Variants in CCDC170 observed in about 807,000 individuals in gnomAD.
CCDC170 encodes the protein coiled-coil domain containing 170.
Under a neutral mutation model 72.6 loss-of-function variants are expected in CCDC170, and 69 were observed. The observed-to-expected ratio is 0.95, with a 90% CI of 0.78 to 1.16. The LOEUF (loss-of-function observed/expected upper bound fraction) is 1.16. Among genes scored for constraint, CCDC170 ranks in the 50% most tolerant of loss-of-function variants. The pLI is 0.00. For synonymous variants in CCDC170, 300 were observed against 303.9 expected (o/e 0.99, Z 0.13); for missense variants, 852 against 832.5 (o/e 1.02, Z -0.29).
At chr6:151,607,054 T>C (rs888641919) in intron 9 of CCDC170, among the ~76,000 whole-genome samples, 1 of 152,156 alleles carries the variant, frequency 6.6e-6, no homozygotes, top group Non-Finnish European at 1.5e-5. Context: ...AAAAAATCCA[T>C]TTAGCCACTA....
chr6:151,577,830 A>C (rs963126902), intron 6 of CCDC170, among the ~76,000 whole-genome samples: 1 of 152,244 alleles, frequency 6.6e-6, no homozygotes. Flanking sequence ...CGAACTGTGC[A>C]TGCGAGGGAT....
At chr6:151,614,062 A>G (rs984695114) in intron 9 of CCDC170, among the ~76,000 whole-genome samples, 4 of 152,178 alleles carry the variant, frequency 2.6e-5, no homozygotes, top group African/African-American at 9.7e-5. Flanking sequence ...AGTGAAAACA[A>G]TTTGTGTCTG....
At chr6:151,608,051 TC>T (rs1264785177) in intron 9 of CCDC170, among the ~76,000 whole-genome samples, 1 of 152,188 alleles carries the variant, frequency 6.6e-6, no homozygotes, top group East Asian at 1.9e-4. Context: ...CTGGGTTATT[TC>T]AAGAGACCTG....
chr6:151,498,096 G>A (rs1425031716), intron 1 of CCDC170, among the ~76,000 whole-genome samples: 1 of 152,168 alleles, frequency 6.6e-6, no homozygotes, highest in African/African-American at 2.4e-5. Context: ...GACATATGGT[G>A]GCTTGTAGGC....
At chr6:151,536,685 G>A (rs555579253) in intron 2 of CCDC170, among the ~76,000 whole-genome samples, 103 of 146,070 alleles carry the variant, frequency 7.1e-4, no homozygotes, top group Middle Eastern at 3.6e-3. Flanking sequence ...TGAGGCAGGA[G>A]AATCACTTGA....
intron 7 of CCDC170, among the ~76,000 whole-genome samples, chr6:151,587,847 CT>C (rs1436127462): frequency 6.6e-6 from 1 of 152,080 alleles, no homozygotes; most frequent in Non-Finnish European, 1.5e-5. Flanking sequence ...GGAGCAATGA[CT>C]TTTTTTCTGT....
chr6:151,594,142 G>A (rs748088579), intron 8 of CCDC170, among the ~76,000 whole-genome samples: 2 of 152,164 alleles, frequency 1.3e-5, no homozygotes, highest in Non-Finnish European at 2.9e-5. Context: ...TATTGGTATT[G>A]GGGAAAGAAA....
At chr6:151,539,737 G>A (rs1211985014) in intron 3 of CCDC170, among the ~76,000 whole-genome samples, 1 of 152,186 alleles carries the variant, frequency 6.6e-6, no homozygotes, top group Non-Finnish European at 1.5e-5. Context: ...ACTAGCTACT[G>A]TATATCTCCA....
Position 151,620,847 on chromosome 6 carries a change from G to A in CCDC170, c.*2700G>A, listed in dbSNP as rs1382040997. On this transcript the variant is annotated 3_prime_UTR_variant, in exon 11 of 11. Transcript: ENST00000239374. The stretch of plus-strand genomic sequence containing the variant: ...ATTTGATATCATTAATTTTATATCA[G>A]GATTCATGTAAGAGACTAAAAATGA... The A allele has an allele frequency of 6.6e-6, 1 of 151,222 alleles. No individual in the cohort carries two copies. The highest frequency in any genetic ancestry group is 1.9e-4 in the East Asian group (1 of 5,168). 9.4% of individuals were successfully genotyped at this position (151,222 alleles called of 1,614,324 possible).
At chr6:151,566,922 ATTTTTTCTTT>A (rs879821077) in intron 5 of CCDC170, among the ~76,000 whole-genome samples, 8 of 151,882 alleles carry the variant, frequency 5.3e-5, no homozygotes, top group Non-Finnish European at 1.0e-4. Context: ...TGTATAGGAA[ATTTTTTCTTT>A]TTTTTGAGAC....
chr6:151,499,367 C>G (rs1021402512), intron 1 of CCDC170, among the ~76,000 whole-genome samples: 1 of 131,194 alleles, frequency 7.6e-6, no homozygotes, highest in Middle Eastern at 4.2e-3. Context: ...CTTCTAGGCA[C>G]GCTGTATAAG....
intron 5 of CCDC170, among the ~76,000 whole-genome samples, chr6:151,562,106 C>T (rs1334986774): frequency 6.6e-6 from 1 of 152,036 alleles, no homozygotes; most frequent in Non-Finnish European, 1.5e-5. Context: ...GGCATCTAAT[C>T]TTTCATATCC....
chr6:151,578,696 C>T (rs891718705), intron 6 of CCDC170, among the ~76,000 whole-genome samples: 2 of 152,156 alleles, frequency 1.3e-5, no homozygotes, highest in Non-Finnish European at 2.9e-5. Flanking sequence ...GTTAGCCAGT[C>T]AACAGTGCTG....
At chr6:151,554,915 A>G (rs7759920) in intron 5 of CCDC170, among the ~76,000 whole-genome samples, 2,243 of 109,554 alleles carry the variant, frequency 0.02, 85 homozygotes, top group African/African-American at 0.075. Context: ...GTCTCGCTCT[A>G]TTGCCCAGGC....
At chr6:151,576,011 T>A (rs1776297069) in intron 6 of CCDC170, among the ~76,000 whole-genome samples, 1 of 152,162 alleles carries the variant, frequency 6.6e-6, no homozygotes, top group Non-Finnish European at 1.5e-5. Context: ...AGTCATTTCC[T>A]TAAATGGTAA....
At position 151,558,306 on chromosome 6, in the gene CCDC170, T is replaced by A. The variant is rs549599185; in HGVS notation, c.774+9817T>A. ...ATGTATTCTGGATATTAGTCCCTTG[T>A]TGGATAAATAGTTTGCAAATATTTT... On this transcript the variant is annotated intron_variant, in intron 5 of 10. Coordinates refer to ENST00000239374, the MANE Select transcript of CCDC170 (RefSeq NM_025059.4). Among the ~76,000 whole-genome samples, 3 of 150,964 alleles carry A rather than the reference T, an allele frequency of 2.0e-5. No homozygotes were observed. In the East Asian group the frequency reaches 5.8e-4, roughly 29 times the overall value.
chr6:151,618,292 A>T lies in CCDC170; in HGVS notation c.*145A>T, dbSNP rs1205201567. The T allele has an allele frequency of 1.5e-6, 1 of 683,988 alleles. No individual in the cohort carries two copies. The highest frequency in any genetic ancestry group is 1.8e-5 in the African/African-American group (1 of 55,522). 42.4% of individuals were successfully genotyped at this position (683,988 alleles called of 1,614,324 possible). ...TGAGAATGCATCACTTGCAAAAACG[A>T]TCTCAAAAGTGTCAGCCTTAGATAA... On this transcript the variant is annotated 3_prime_UTR_variant, in exon 11 of 11. Coordinates refer to ENST00000239374, the MANE Select transcript of CCDC170 (RefSeq NM_025059.4).
chr6:151,568,131 A>AC (rs1198178268), intron 5 of CCDC170, among the ~76,000 whole-genome samples: 1 of 147,890 alleles, frequency 6.8e-6, no homozygotes, highest in Non-Finnish European at 1.5e-5. Flanking sequence ...AAAAAAAAAA[A>AC]GGGAGTCTAT....
intron 6 of CCDC170, among the ~76,000 whole-genome samples, chr6:151,578,174 G>A (rs1008739127): frequency 6.6e-6 from 1 of 152,218 alleles, no homozygotes; most frequent in African/African-American, 2.4e-5. Flanking sequence ...CTGAGAGAGC[G>A]AACAGATGGA....
Sources: allele counts gnomAD v4.1 joint callset (sites outside exome capture counted in the v4.1 genomes callset), GRCh38; gene constraint gnomAD v4.1.1; transcripts MANE v1.5; gene names NCBI Gene and HGNC (gene_info 2026-07-23, HGNC 2026-07-21).